Variants in ELL observed in about 807,000 individuals in gnomAD.
ELL encodes the protein RNA polymerase II elongation factor ELL.
In ELL, 18 loss-of-function variants were observed where a neutral mutation model predicts 64.0. That is an observed-to-expected ratio of 0.28 (90% CI 0.19 to 0.42). The LOEUF (loss-of-function observed/expected upper bound fraction) is 0.42. Among genes scored for constraint, ELL ranks in the 10% least tolerant of loss-of-function variants. The pLI is 1.00. For missense variants in ELL, 797 were observed against 870.4 expected (o/e 0.92, Z 1.06); for synonymous variants, 399 against 376.2 (o/e 1.06, Z -0.70).
At chr19:18,463,751 G>T (rs1188088550) in intron 4 of ELL, among the ~76,000 whole-genome samples, 2 of 151,792 alleles carry the variant, frequency 1.3e-5, no homozygotes, top group African/African-American at 4.8e-5. Context: ...TGCTGAGGTG[G>T]GCGGATTACG....
At chr19:18,462,334 G>GGTGTGTGTGTGTGTGTGTGT (rs765676443) in intron 4 of ELL, among the ~76,000 whole-genome samples, 1 of 90,514 alleles carries the variant, frequency 1.1e-5, no homozygotes, top group African/African-American at 7.0e-5. Context: ...ACTCTAGTGG[G>GGTGTGTGTGTGTGTGTGTGT]CTGTGTGTGT....
chr19:18,468,966 T>A (rs1019624124), intron 2 of ELL, among the ~76,000 whole-genome samples: 14 of 152,180 alleles, frequency 9.2e-5, no homozygotes, highest in Non-Finnish European at 1.6e-4. Context: ...AGGGGCTTCA[T>A]AGTGGCCCTT....
chr19:18,474,637 G>C (rs553616467), intron 1 of ELL, among the ~76,000 whole-genome samples: 1 of 152,266 alleles, frequency 6.6e-6, no homozygotes, highest in African/African-American at 2.4e-5. Context: ...TCCAAGACCA[G>C]GAAACAGCTG....
intron 2 of ELL, among the ~76,000 whole-genome samples, chr19:18,470,721 T>C (rs567631676): frequency 4.3e-4 from 65 of 152,304 alleles, no homozygotes; most frequent in African/African-American, 1.4e-3. Context: ...TGACCCTCGA[T>C]GGTCTGGGTG....
intron 1 of ELL, among the ~76,000 whole-genome samples, chr19:18,492,712 G>A (rs1490177717): frequency 6.6e-6 from 1 of 152,202 alleles, no homozygotes; most frequent in Non-Finnish European, 1.5e-5. Context: ...CCAAGGAGGG[G>A]AGGTGACAGA....
Position 18,467,979 on chromosome 19 carries a change from CCACA to C in ELL, c.184-2065_184-2062del, listed in dbSNP as rs551065368. On this transcript the variant is annotated intron_variant, in intron 2 of 11. Coordinates refer to ENST00000262809, the MANE Select transcript of ELL (RefSeq NM_006532.4). ...CACACATACAACCACCCCGACAGCA[CCACA>C]CACAACCTCCCCCACACACAAACAC... Among the ~76,000 whole-genome samples the C allele has an allele frequency of 5.8e-3, 853 of 146,486 alleles. 9 individuals carry two copies. The highest frequency in any genetic ancestry group is 0.021 in the African/African-American group (814 of 39,220).
At chr19:18,489,180 G>A (rs1229477992) in intron 1 of ELL, among the ~76,000 whole-genome samples, 1 of 152,224 alleles carries the variant, frequency 6.6e-6, no homozygotes, top group Admixed American at 6.5e-5. Flanking sequence ...ACACACACCA[G>A]AAAGCAGGAG....
rs2144892606 is a variant in ELL, at chr19:18,450,549, T to G, written c.1393A>C (p.Lys465Gln). The G allele has an allele frequency of 6.2e-7, 1 of 1,612,628 alleles. No homozygotes were observed. Among genetic ancestry groups the G allele is most frequent in the East Asian group, 2.2e-5 (1 of 44,812 alleles). ...CAGTCTGGAAGCTGGGCCCGGGGCT[T>G]GTCCTCAGCCGCCCTCTCCTTGTCT... ...HKDKERAAED[K>Q]PRAQLPDCAP... Residue 465 changes from lysine (K) to glutamine (Q), a missense_variant, in exon 8 of 12, where the codon AAG (lysine) becomes CAG (glutamine). By Grantham distance (53) the Lys-to-Gln change is moderately conservative. Transcript: ENST00000262809.
At chr19:18,462,199 T>C (rs1027924895) in intron 4 of ELL, among the ~76,000 whole-genome samples, 125 of 121,526 alleles carry the variant, frequency 1.0e-3, no homozygotes, top group African/African-American at 4.8e-3. Context: ...TGTGTGTGTG[T>C]GTGTGTGTGT....
intron 5 of ELL, 110 bp downstream of exon 5, chr19:18,461,468 G>A (rs1011314902): frequency 1.3e-6 from 2 of 1,487,398 alleles, no homozygotes; most frequent in African/African-American, 1.4e-5. Flanking sequence ...CCCAGGAAGG[G>A]CTCTTCCTTG....
intron 1 of ELL, among the ~76,000 whole-genome samples, chr19:18,490,904 C>CACAT (rs1431788801): frequency 6.6e-6 from 1 of 152,188 alleles, no homozygotes; most frequent in Non-Finnish European, 1.5e-5. Context: ...CCCGGTCTCA[C>CACAT]ACATGCTCAC....
chr19:18,466,495 G>GC (rs1377676064), intron 2 of ELL, among the ~76,000 whole-genome samples: 2 of 152,272 alleles, frequency 1.3e-5, no homozygotes, highest in South Asian at 2.1e-4. Flanking sequence ...AGAAGCACTG[G>GC]CCCCCAACAA....
In ELL at chr19:18,450,782, C is replaced by T. The variant is rs767464841; in HGVS notation, c.1160G>A (p.Arg387Gln). ...TLSSSTHLPP[R>Q]LEPPRAHDPL... The stretch of plus-strand genomic sequence containing the variant: ...GTCGTGGGCCCTCGGGGGCTCCAGC[C>T]GCGGGGGCAGGTGAGTGCTGGAGCT... The change falls in exon 8 of 12, where the codon CGG becomes CAG. Residue 387 changes from arginine (R) to glutamine (Q), a missense_variant. Physicochemically the swap from Arg to Gln is conservative, Grantham distance 43. Transcript: ENST00000262809. 8.2e-6 allele frequency: 13 copies of T among 1,579,460 alleles called. No homozygotes were observed. The highest frequency in any genetic ancestry group is 2.7e-5 in the African/African-American group (2 of 74,486).
At chr19:18,521,400 A>AC in intron 1 of ELL, among the ~76,000 whole-genome samples, 1 of 151,466 alleles carries the variant, frequency 6.6e-6, no homozygotes, top group East Asian at 1.9e-4. Context: ...GACAGAACAG[A>AC]CCCCCACAAG....
At chr19:18,519,770 T>G (rs76194) in intron 1 of ELL, among the ~76,000 whole-genome samples, 69,003 of 143,950 alleles carry the variant, frequency 0.48, 18,601 homozygotes, top group African/African-American at 0.77. Context: ...TCGCGCCACC[T>G]CAATGAAGCC....
At chr19:18,508,375 C>G (rs117293951) in intron 1 of ELL, among the ~76,000 whole-genome samples, 1 of 152,214 alleles carries the variant, frequency 6.6e-6, no homozygotes, top group Non-Finnish European at 1.5e-5. Flanking sequence ...AGGAGGGTAG[C>G]CTGTCCCAGA....
At chr19:18,472,644 C>G in intron 2 of ELL, 191 bp downstream of exon 2, 2 of 635,510 alleles carry the variant, frequency 3.1e-6, no homozygotes, top group Non-Finnish European at 5.3e-6. Context: ...CAGCCTGTGA[C>G]GTGCACCCGA....
intron 1 of ELL, among the ~76,000 whole-genome samples, chr19:18,475,424 T>C (rs1483071011): frequency 2.0e-5 from 3 of 152,210 alleles, no homozygotes; most frequent in African/African-American, 7.2e-5. Context: ...GCTCAGCCAC[T>C]GTGGAAGCCA....
chr19:18,508,096 C>T (rs1826032517), intron 1 of ELL, among the ~76,000 whole-genome samples: 2 of 152,168 alleles, frequency 1.3e-5, no homozygotes, highest in South Asian at 4.1e-4. Context: ...GAAAAACTCC[C>T]GGAAAACCCA....
Sources: gnomAD v4.1 joint callset for allele counts (sites outside exome capture counted in the v4.1 genomes callset) on GRCh38, gnomAD v4.1.1 for gene constraint, MANE v1.5 for transcripts, NCBI Gene and HGNC (gene_info 2026-07-23, HGNC 2026-07-21) for gene names.